The following RAB33B variants were observed in gnomAD, a reference collection of about 807,000 sequenced individuals.
The protein encoded by RAB33B is ras-related protein Rab-33B.
Under a neutral mutation model 15.0 loss-of-function variants are expected in RAB33B, and 6 were observed. The observed-to-expected ratio is 0.40, with a 90% CI of 0.22 to 0.79. The LOEUF (loss-of-function observed/expected upper bound fraction) is 0.79. Among genes scored for constraint, RAB33B ranks in the 30% least tolerant of loss-of-function variants. RAB33B has a pLI of 0.37. For missense variants in RAB33B, 257 were observed against 296.4 expected, an observed-to-expected ratio of 0.87 and a Z score of 0.98; for synonymous variants, 117 against 108.3, an observed-to-expected ratio of 1.08 and a Z score of -0.50.
intron 1 of RAB33B, among the ~76,000 whole-genome samples, chr4:139,457,332 C>T (rs1254865892): frequency 6.6e-6 from 1 of 152,154 alleles, no homozygotes; most frequent in African/African-American, 2.4e-5. Flanking sequence ...ATTGAGACTC[C>T]TAACTCTAAT....
At chr4:139,461,445 C>T (rs530723700) in intron 1 of RAB33B, among the ~76,000 whole-genome samples, 55 of 152,262 alleles carry the variant, frequency 3.6e-4, no homozygotes, top group Admixed American at 2.5e-3. Flanking sequence ...ACCTCAGTTT[C>T]CTCATCTGAA....
intron 1 of RAB33B, among the ~76,000 whole-genome samples, chr4:139,455,051 C>T (rs79362356): frequency 0.012 from 1,778 of 152,272 alleles, 12 homozygotes; most frequent in East Asian, 0.03. Context: ...CTCAGGTTGC[C>T]AAAAGCATTT....
At chr4:139,456,029 C>A (rs1478847036) in intron 1 of RAB33B, among the ~76,000 whole-genome samples, 1 of 152,204 alleles carries the variant, frequency 6.6e-6, no homozygotes, top group Non-Finnish European at 1.5e-5. Context: ...TTTAACCTCT[C>A]AGAGTCTGTA....
chr4:139,453,094 G>C (rs1382193220), upstream of RAB33B: 1 of 152,170 alleles, frequency 6.6e-6, no homozygotes, highest in Non-Finnish European at 1.5e-5. Flanking sequence ...CAACCTCTAA[G>C]TGCGCTCAGT....
At chr4:139,446,270 G>A in the RAB33B span, among the ~76,000 whole-genome samples, 1 of 152,174 alleles carries the variant, frequency 6.6e-6, no homozygotes, top group Non-Finnish European at 1.5e-5. Context: ...CTAGGGCCCG[G>A]TTCACGGATG....
intron 1 of RAB33B, among the ~76,000 whole-genome samples, chr4:139,457,801 T>G (rs778599388): frequency 4.6e-5 from 7 of 152,230 alleles, no homozygotes; most frequent in Non-Finnish European, 7.3e-5. Context: ...TTTCATGACA[T>G]GAAAATCATA....
At chr4:139,446,445 G>T in the RAB33B span, among the ~76,000 whole-genome samples, 2 of 152,218 alleles carry the variant, frequency 1.3e-5, no homozygotes, top group African/African-American at 4.8e-5. Context: ...GAAATGGCCA[G>T]ATGTGCGATT....
the RAB33B span, among the ~76,000 whole-genome samples, chr4:139,443,978 C>T: frequency 2.0e-4 from 30 of 152,120 alleles, no homozygotes; most frequent in Non-Finnish European, 1.8e-4. Flanking sequence ...ACTAAAGTCC[C>T]GGCAGGCCCC....
At chr4:139,455,378 C>T (rs1750049983) in intron 1 of RAB33B, among the ~76,000 whole-genome samples, 1 of 152,158 alleles carries the variant, frequency 6.6e-6, no homozygotes, top group Admixed American at 6.5e-5. Flanking sequence ...CAGCGATCGT[C>T]TTTATCTCAG....
chr4:139,447,037 A>G, the RAB33B span, among the ~76,000 whole-genome samples: 30 of 152,212 alleles, frequency 2.0e-4, no homozygotes, highest in African/African-American at 7.2e-4. Flanking sequence ...GCTTCTGCCA[A>G]GACTACTATC....
At chr4:139,459,359 C>G (rs1314980895) in intron 1 of RAB33B, among the ~76,000 whole-genome samples, 1 of 151,996 alleles carries the variant, frequency 6.6e-6, no homozygotes, top group East Asian at 1.9e-4. Flanking sequence ...TTGCTTGAGC[C>G]CAGGAGTTGG....
At chr4:139,446,153 C>T in the RAB33B span, among the ~76,000 whole-genome samples, 15 of 152,176 alleles carry the variant, frequency 9.9e-5, no homozygotes, top group Non-Finnish European at 2.1e-4. Flanking sequence ...GAGGAAGTGG[C>T]TCAAATGCCC....
chr4:139,449,678 C>T (rs1749884709), upstream of RAB33B: 1 of 152,114 alleles, frequency 6.6e-6, no homozygotes, highest in Non-Finnish European at 1.5e-5. Flanking sequence ...AACTCGACTG[C>T]CTTCCTTTCT....
intron 1 of RAB33B, among the ~76,000 whole-genome samples, chr4:139,461,784 AT>A (rs1750175611): frequency 1.3e-5 from 2 of 151,910 alleles, no homozygotes; most frequent in African/African-American, 4.8e-5. Flanking sequence ...TTTAAAAAAA[AT>A]TTTGACCAGG....
rs146735695 is a variant in RAB33B at position 139,472,916 on chromosome 4, A to G, written c.480A>G (p.Thr160=). 296 of 1,614,110 alleles carry G rather than the reference A, an allele frequency of 1.8e-4. No individual in the cohort carries two copies. The highest frequency in any genetic ancestry group is 2.4e-4 in the Non-Finnish European group (283 of 1,180,052). Residue 160 remains threonine (T), a synonymous_variant, in exon 2 of 2, where the codon ACA becomes ACG. Coordinates refer to ENST00000305626, the MANE Select transcript of RAB33B (RefSeq NM_031296.3). The stretch of plus-strand genomic sequence containing the variant: ...TGAGAAGTGCCATACAGGTACCCAC[A>G]GACTTGGCACAAAAATTTGCTGACA... ...CDLRSAIQVP[T]DLAQKFADTH...
the RAB33B span, among the ~76,000 whole-genome samples, chr4:139,441,883 A>G: frequency 6.6e-6 from 1 of 152,082 alleles, no homozygotes; most frequent in East Asian, 1.9e-4. Flanking sequence ...ATTTTCCTAG[A>G]ATCCTCTCCT....
the RAB33B span, among the ~76,000 whole-genome samples, chr4:139,438,774 G>A: frequency 6.6e-6 from 1 of 152,186 alleles, no homozygotes; most frequent in Non-Finnish European, 1.5e-5. Flanking sequence ...AAAAAGTGGA[G>A]TTACATACCA....
chr4:139,454,107 C>A (rs1373649320), upstream of RAB33B: 8 of 1,456,040 alleles, frequency 5.5e-6, no homozygotes, highest in Non-Finnish European at 7.3e-6. Flanking sequence ...GCCGAACTGG[C>A]CGGCTGGGCG....
rs767703816 is a variant in RAB33B, at chr4:139,472,743, TA to T, written c.308del (p.Tyr103SerfsTer14). 6.2e-7 allele frequency: 1 copy of T among 1,613,802 alleles called. No homozygotes were observed. Among genetic ancestry groups the T allele is most frequent in the South Asian group, 1.1e-5 (1 of 91,078 alleles). On this transcript the variant is annotated frameshift_variant, in exon 2 of 2. Transcript: ENST00000305626. LOFTEE classifies it high-confidence loss of function. ...ATTCAGAAAGAGCATGGTTCAGCAC[TA>T]CTACAGAAATGTACATGCTGTTGTC... ...ERFRKSMVQH[Y>X]YRNVHAVVFV...
Sources: gnomAD v4.1 joint callset for allele counts (sites outside exome capture counted in the v4.1 genomes callset) on GRCh38, gnomAD v4.1.1 for gene constraint, MANE v1.5 for transcripts, NCBI Gene and HGNC (gene_info 2026-07-23, HGNC 2026-07-21) for gene names.